LRRC69: variants seen among roughly 807,000 people sequenced by gnomAD.
The protein encoded by LRRC69 is leucine-rich repeat-containing protein 69.
A neutral mutation model predicts 37.8 loss-of-function variants in LRRC69; 42 were observed. The ratio of observed to expected loss-of-function variants is 1.11; its 90% CI spans 0.87 to 1.44. LRRC69 has a LOEUF of 1.44. Among genes scored for constraint, LRRC69 ranks in the 40% most tolerant of loss-of-function variants. The pLI is 0.00. For synonymous variants in LRRC69, 141 were observed against 143.1 expected, an observed-to-expected ratio of 0.99 and a Z score of 0.11; for missense variants, 357 against 401.9, an observed-to-expected ratio of 0.89 and a Z score of 0.96.
Position 91,168,219 on chromosome 8 carries a change from A to G in LRRC69, c.652-21303A>G, listed in dbSNP as rs114923362. Among the ~76,000 whole-genome samples the G allele has an allele frequency of 4.5e-3, 685 of 152,046 alleles. 6 individuals carry two copies. The highest frequency in any genetic ancestry group is 0.016 in the African/African-American group (663 of 41,536). On this transcript the variant is annotated intron_variant, in intron 5 of 7. Coordinates refer to ENST00000448384, the Ensembl canonical transcript of LRRC69. The stretch of plus-strand genomic sequence containing the variant: ...TGTCCTCAGTGCTTACGACATTGTA[A>G]GAATGATTCAGAGTATAAATGAAGG...
rs188544362 is a variant in LRRC69 at position 91,119,252 on chromosome 8, T to C, written c.184-5241T>C. 5.9e-5 allele frequency among the ~76,000 whole-genome samples: 9 copies of C among 152,096 alleles called. No homozygotes were observed. The East Asian group carries it at 1.6e-3, about 26-fold the overall frequency. ...TACAGTGTTTCTGGACCTTTCTGTA[T>C]AATTTAAGTAATCTACACTGAAGCT... On this transcript the variant is annotated intron_variant, in intron 1 of 7. Transcript: ENST00000448384.
chr8:91,168,889 T>C lies in LRRC69; in HGVS notation c.652-20633T>C, dbSNP rs1317240547. On this transcript the variant is annotated intron_variant, in intron 5 of 7. Transcript: ENST00000448384. ...TAATGACTCAAGTAATAAAGAATCA[T>C]TACATACTTTTGAGCCCTTATTCTG... Among the ~76,000 whole-genome samples, 3 of 151,920 alleles carry C rather than the reference T, an allele frequency of 2.0e-5. No individual in the cohort carries two copies. In the East Asian group the frequency reaches 5.8e-4, roughly 29 times the overall value.
At chr8:91,157,792 A>G in intron 5 of LRRC69, 1 of 1,607,818 alleles carries the variant, frequency 6.2e-7, no homozygotes, top group Non-Finnish European at 8.5e-7. Context: ...CAGCAGTGGA[A>G]GTGGAATGGG....
intron 5 of LRRC69, chr8:91,158,413 AGAT>A: frequency 7.2e-7 from 1 of 1,388,780 alleles, no homozygotes; most frequent in Non-Finnish European, 1.0e-6. Flanking sequence ...AAGTAAACAA[AGAT>A]GATGAGGAAT....
intron 1 of LRRC69, among the ~76,000 whole-genome samples, chr8:91,121,196 T>C (rs1246134694): frequency 6.6e-6 from 1 of 152,060 alleles, no homozygotes; most frequent in East Asian, 1.9e-4. Flanking sequence ...CCTGCACCAC[T>C]GCAGTATTGC....
intron 5 of LRRC69, among the ~76,000 whole-genome samples, chr8:91,137,158 G>T (rs1189380992): frequency 6.6e-6 from 1 of 151,992 alleles, no homozygotes; most frequent in Non-Finnish European, 1.5e-5. Context: ...AGATTTGAAT[G>T]TTTAGTAAAA....
chr8:91,108,261 G>C (rs535549761), intron 1 of LRRC69, among the ~76,000 whole-genome samples: 1 of 151,938 alleles, frequency 6.6e-6, no homozygotes, highest in Non-Finnish European at 1.5e-5. Context: ...TACTTTTGCT[G>C]TCCTTAATGA....
At chr8:91,176,369 TCTC>T (rs969643824) in intron 5 of LRRC69, among the ~76,000 whole-genome samples, 20 of 151,912 alleles carry the variant, frequency 1.3e-4, no homozygotes, top group African/African-American at 4.6e-4. Flanking sequence ...ATGTTCTCAA[TCTC>T]CTGACCTTGT....
chr8:91,151,137 G>A (rs1360918144), intron 5 of LRRC69, among the ~76,000 whole-genome samples: 1 of 151,732 alleles, frequency 6.6e-6, no homozygotes, highest in Non-Finnish European at 1.5e-5. Context: ...GCTTTTGAAT[G>A]TGTTTGCTCT....
chr8:91,156,214 A>C (rs981286094), intron 5 of LRRC69, among the ~76,000 whole-genome samples: 1 of 150,742 alleles, frequency 6.6e-6, no homozygotes, highest in Admixed American at 6.6e-5. Context: ...ATTTATTTTT[A>C]TTTGTTTCTA....
intron 5 of LRRC69, among the ~76,000 whole-genome samples, chr8:91,184,466 G>T (rs1374841375): frequency 6.6e-6 from 1 of 152,088 alleles, no homozygotes; most frequent in Non-Finnish European, 1.5e-5. Context: ...TTGCATGGGG[G>T]CAGTGGCTGT....
intron 6 of LRRC69, among the ~76,000 whole-genome samples, chr8:91,196,817 G>C (rs995902167): frequency 2.6e-5 from 4 of 152,000 alleles, no homozygotes; most frequent in South Asian, 2.1e-4. Context: ...AGAGTAATTT[G>C]ATCGTCTGAA....
At chr8:91,208,786 G>T (rs2130640885) in intron 7 of LRRC69, among the ~76,000 whole-genome samples, 1 of 152,210 alleles carries the variant, frequency 6.6e-6, no homozygotes, top group Middle Eastern at 3.4e-3. Context: ...TGTTTCATGT[G>T]GGCATCCTCT....
chr8:91,102,623 T>C, upstream of LRRC69: 1 of 1,495,200 alleles, frequency 6.7e-7, no homozygotes, highest in Non-Finnish European at 9.0e-7. Context: ...AATAAAGAAC[T>C]CTAATGGTTA....
At chr8:91,199,093 G>C (rs1049296304) in intron 6 of LRRC69, among the ~76,000 whole-genome samples, 16 of 152,276 alleles carry the variant, frequency 1.1e-4, no homozygotes, top group African/African-American at 3.8e-4. Flanking sequence ...TCTGTCATCT[G>C]CTATTTTGGG....
intron 1 of LRRC69, among the ~76,000 whole-genome samples, chr8:91,110,167 T>C (rs1220905853): frequency 2.6e-5 from 4 of 152,076 alleles, no homozygotes; most frequent in African/African-American, 9.6e-5. Context: ...ATATTTACTC[T>C]TCTTAAGGAA....
chr8:91,219,211 A>C, downstream of LRRC69: 2 of 357,132 alleles, frequency 5.6e-6, no homozygotes, highest in East Asian at 8.1e-5. Flanking sequence ...TTTGGCTTAA[A>C]AAAGTACAAA....
At chr8:91,208,523 C>T (rs182113816) in intron 7 of LRRC69, among the ~76,000 whole-genome samples, 28 of 152,268 alleles carry the variant, frequency 1.8e-4, no homozygotes, top group African/African-American at 6.5e-4. Context: ...AACACAGATG[C>T]ACAATAAACA....
intron 5 of LRRC69, among the ~76,000 whole-genome samples, chr8:91,172,479 G>A (rs562446184): frequency 4.2e-4 from 63 of 151,682 alleles, no homozygotes; most frequent in Non-Finnish European, 6.0e-4. Context: ...TTATAGTCCT[G>A]TTTTATCAGC....
Sources: allele counts gnomAD v4.1 joint callset (sites outside exome capture counted in the v4.1 genomes callset), GRCh38; gene constraint gnomAD v4.1.1; transcripts MANE v1.5; gene names NCBI Gene and HGNC (gene_info 2026-07-23, HGNC 2026-07-21).